C4orf36: variants seen among roughly 807,000 people sequenced by gnomAD.
The protein encoded by C4orf36 is chromosome 4 open reading frame 36, also known as uncharacterized protein C4orf36.
In C4orf36, 11 loss-of-function variants were observed where a neutral mutation model predicts 12.2. The observed-to-expected ratio is 0.90, with a 90% confidence interval of 0.57 to 1.49. The LOEUF (loss-of-function observed/expected upper bound fraction) is 1.49, where lower values mean the gene tolerates loss of function less well. C4orf36 is among the 40% of genes most tolerant of loss of function. The probability of loss-of-function intolerance (pLI) is 0.00; values close to 1 mark genes in which losing one functional copy is unlikely to be tolerated. For missense variants in C4orf36, 137 were observed against 133.9 expected, an observed-to-expected ratio of 1.02 and a Z score of -0.11; for synonymous variants, 54 against 51.3, an observed-to-expected ratio of 1.05 and a Z score of -0.22.
At chr4:86,906,447 G>T in the C4orf36 span, among the ~76,000 whole-genome samples, 1 of 152,080 alleles carries the variant, frequency 6.6e-6, no homozygotes, top group Non-Finnish European at 1.5e-5. Flanking sequence ...AGCTTTTTAG[G>T]CCAGGCATGG....
the C4orf36 span, chr4:86,913,766 C>A: frequency 7.0e-7 from 1 of 1,420,584 alleles, no homozygotes; most frequent in East Asian, 2.3e-5. Context: ...CTAACTCTGA[C>A]ATCAGCTGCC....
chr4:86,893,992 G>C (rs1171200074), upstream of C4orf36, among the ~76,000 whole-genome samples: 1 of 151,274 alleles, frequency 6.6e-6, no homozygotes, highest in African/African-American at 2.4e-5. Context: ...TGCCTCCCGG[G>C]TTCACGCCAT....
chr4:86,902,397 T>G, the C4orf36 span, among the ~76,000 whole-genome samples: 1 of 110,126 alleles, frequency 9.1e-6, no homozygotes, highest in Non-Finnish European at 1.7e-5. Context: ...AACTCCAACC[T>G]GGGCAACAGA....
chr4:86,891,391 T>A, intron 2 of C4orf36, 65 bp downstream of exon 2: 1 of 1,493,436 alleles, frequency 6.7e-7, no homozygotes, highest in African/African-American at 1.4e-5. Flanking sequence ...TCCTTTTATT[T>A]AACAAAGACA....
At chr4:86,917,222 G>T in the C4orf36 span, among the ~76,000 whole-genome samples, 1 of 152,094 alleles carries the variant, frequency 6.6e-6, no homozygotes, top group Admixed American at 6.6e-5. Context: ...CGAGGCTGCA[G>T]TGAGCTATGA....
the C4orf36 span, chr4:86,935,827 G>A: frequency 6.6e-6 from 1 of 152,216 alleles, no homozygotes; most frequent in Non-Finnish European, 1.5e-5. Flanking sequence ...CAGAGGGAGA[G>A]GCGTCTTTAG....
At chr4:86,887,594 C>A in intron 4 of C4orf36, 164 bp downstream of exon 4, 1 of 668,118 alleles carries the variant, frequency 1.5e-6, no homozygotes, top group East Asian at 2.8e-5. Context: ...GTCAGGGACT[C>A]AGAAGATCTG....
the C4orf36 span, among the ~76,000 whole-genome samples, chr4:86,911,370 T>C: frequency 6.6e-6 from 1 of 152,196 alleles, no homozygotes; most frequent in Non-Finnish European, 1.5e-5. Flanking sequence ...ACACCCCCAC[T>C]CTTGGGAATA....
At chr4:86,879,561 C>A (rs986138415) in intron 4 of C4orf36, among the ~76,000 whole-genome samples, 2 of 151,996 alleles carry the variant, frequency 1.3e-5, no homozygotes, top group Non-Finnish European at 2.9e-5. Context: ...TCAAACAGAC[C>A]AATATATGCA....
chr4:86,892,391 C>A lies in C4orf36; in HGVS notation c.-282G>T, dbSNP rs1469930454. 5 of 985,574 alleles carry A rather than the reference C, an allele frequency of 5.1e-6. No individual in the cohort carries two copies. The highest frequency in any genetic ancestry group is 2.4e-6 in the Non-Finnish European group (2 of 830,062). 61.1% of individuals were successfully genotyped at this position (985,574 alleles called of 1,614,324 possible). On this transcript the variant is annotated 5_prime_UTR_variant, in exon 1 of 5. Coordinates refer to ENST00000295898, the MANE Select transcript of C4orf36 (RefSeq NM_144645.4). ...CTCGGGGCCGCGCCGCAGGCACACG[C>A]CTCCTTCCCGCTCGCCGCGGGCGCC...
the C4orf36 span, chr4:86,924,528 A>G: frequency 0.038 from 5,760 of 152,256 alleles, 371 homozygotes; most frequent in African/African-American, 0.13. Context: ...TTTTTTATAG[A>G]GACAAGGGCT....
rs201168053 is a variant in C4orf36 at position 86,887,882 on chromosome 4, C to T, written c.232G>A (p.Glu78Lys). The T allele has an allele frequency of 3.2e-4, 512 of 1,613,996 alleles. 3 individuals are homozygous for T. Among genetic ancestry groups the T allele is most frequent in the Non-Finnish European group, 1.5e-4 (180 of 1,179,994 alleles). Residue 78 changes from glutamate (E) to lysine (K), a missense_variant, in exon 4 of 5, where the codon GAA becomes AAA. Glu to Lys is a moderately conservative substitution (Grantham distance 56). Coordinates refer to ENST00000295898, the MANE Select transcript of C4orf36 (RefSeq NM_144645.4). ...LLPSAESIKL[E>K]REYEVKRLCK... ...AGACGCTTCACTTCATACTCCCTTT[C>T]GAGTTTGATAGCTGAAAAAGAAAAT...
upstream of C4orf36, among the ~76,000 whole-genome samples, chr4:86,895,261 A>G (rs537207031): frequency 5.2e-4 from 79 of 152,212 alleles, no homozygotes; most frequent in Middle Eastern, 3.4e-3. Context: ...GGCTGCTGTG[A>G]GCCATGATCA....
At chr4:86,916,488 A>C in the C4orf36 span, among the ~76,000 whole-genome samples, 1 of 152,118 alleles carries the variant, frequency 6.6e-6, no homozygotes, top group East Asian at 1.9e-4. Flanking sequence ...CTTCTCCTGA[A>C]GCTCCTAATC....
intron 4 of C4orf36, among the ~76,000 whole-genome samples, chr4:86,884,261 A>G (rs1183806001): frequency 2.6e-5 from 4 of 151,172 alleles, no homozygotes; most frequent in African/African-American, 9.7e-5. Flanking sequence ...GTCATTCCAG[A>G]TAGAAAATAA....
the C4orf36 span, chr4:86,914,391 CTTTTTTTTTTTTTTTTT>C: frequency 6.1e-6 from 2 of 327,272 alleles, no homozygotes; most frequent in South Asian, 2.4e-5. Context: ...CTTCTTCTTC[CTTTTTTTTTTTTTTTTT>C]TTTTTTTTTT....
At chr4:86,919,389 T>A in the C4orf36 span, among the ~76,000 whole-genome samples, 1 of 146,934 alleles carries the variant, frequency 6.8e-6, no homozygotes, top group South Asian at 2.2e-4. Flanking sequence ...GTGGCATGAT[T>A]TTGACTAACT....
chr4:86,885,645 C>G (rs1034820628), intron 4 of C4orf36, among the ~76,000 whole-genome samples: 1 of 152,172 alleles, frequency 6.6e-6, no homozygotes, highest in Non-Finnish European at 1.5e-5. Flanking sequence ...CATCTGCAAA[C>G]AGGGACAATT....
chr4:86,916,314 C>G, the C4orf36 span, among the ~76,000 whole-genome samples: 1 of 134,994 alleles, frequency 7.4e-6, no homozygotes, highest in African/African-American at 2.9e-5. Context: ...AAATTCACAG[C>G]AGAGGATGCT....
Sources: allele counts gnomAD v4.1 joint callset (sites outside exome capture counted in the v4.1 genomes callset), GRCh38; gene constraint gnomAD v4.1.1; transcripts MANE v1.5; gene names NCBI Gene and HGNC (gene_info 2026-07-23, HGNC 2026-07-21).